SPINK8: variants seen among roughly 807,000 people sequenced by gnomAD.
SPINK8 encodes the protein serine peptidase inhibitor Kazal type 8 (putative), also known as serine protease inhibitor Kazal-type 8.
A neutral mutation model predicts 14.4 loss-of-function variants in SPINK8; 12 were observed. That is an observed-to-expected ratio of 0.83 (90% CI 0.53 to 1.35). The LOEUF (loss-of-function observed/expected upper bound fraction) is 1.35, where lower values mean the gene tolerates loss of function less well. SPINK8 is among the 40% of genes most tolerant of loss of function. The probability of loss-of-function intolerance (pLI) is 0.00; values close to 1 mark genes in which losing one functional copy is unlikely to be tolerated. For missense variants in SPINK8, 103 were observed against 117.0 expected (o/e 0.88, Z 0.55); for synonymous variants, 32 against 37.6 (o/e 0.85, Z 0.55).
chr3:48,313,038 T>C (rs2035943958), intron 6 of SPINK8, among the ~76,000 whole-genome samples: 1 of 150,826 alleles, frequency 6.6e-6, no homozygotes, highest in South Asian at 2.1e-4. Context: ...ACTAAACTCT[T>C]AGAAGAAAAA....
At chr3:48,330,010 T>C (rs2036229508) in intron 2 of SPINK8, among the ~76,000 whole-genome samples, 2 of 152,206 alleles carry the variant, frequency 1.3e-5, no homozygotes, top group African/African-American at 2.4e-5. Context: ...TCAGAAGTTA[T>C]TGGTTATCAT....
chr3:48,317,941 G>A (rs919148454), intron 6 of SPINK8, among the ~76,000 whole-genome samples: 1 of 151,880 alleles, frequency 6.6e-6, no homozygotes, highest in Non-Finnish European at 1.5e-5. Context: ...TCAGGGTCTC[G>A]CTATGTTGCT....
At chr3:48,321,349 G>A (rs2036072046) in intron 4 of SPINK8, among the ~76,000 whole-genome samples, 1 of 151,916 alleles carries the variant, frequency 6.6e-6, no homozygotes, top group Non-Finnish European at 1.5e-5. Flanking sequence ...TAGTAAACAT[G>A]CTCTAAGTTA....
intron 6 of SPINK8, among the ~76,000 whole-genome samples, chr3:48,316,073 C>G (rs1054745131): frequency 3.9e-5 from 6 of 152,050 alleles, no homozygotes; most frequent in African/African-American, 1.4e-4. Context: ...AGATAAAACT[C>G]AATTCAAATT....
In SPINK8 at chr3:48,322,375, G is replaced by A. The variant is rs530289597; in HGVS notation, c.68-1301C>T. The stretch of plus-strand genomic sequence containing the variant: ...TTTTTAGACAGAATCTTGGTCTGTC[G>A]CCTAAGCTGGAGTGCAGTGGCGCGA... On this transcript the variant is annotated intron_variant, in intron 4 of 7. Coordinates refer to ENST00000434006, the MANE Select transcript of SPINK8 (RefSeq NM_001080525.3). Among the ~76,000 whole-genome samples the A allele has an allele frequency of 2.9e-4, 44 of 150,272 alleles. No individual in the cohort carries two copies. The South Asian group carries it at 6.1e-3, about 21-fold the overall frequency.
At chr3:48,324,060 C>T (rs929674809) in intron 4 of SPINK8, among the ~76,000 whole-genome samples, 1 of 151,642 alleles carries the variant, frequency 6.6e-6, no homozygotes, top group African/African-American at 2.4e-5. Flanking sequence ...TGCATGGAAT[C>T]TGTAGATTGA....
chr3:48,319,403 G>A, intron 6 of SPINK8, 94 bp downstream of exon 6: 1 of 1,414,354 alleles, frequency 7.1e-7, no homozygotes. Flanking sequence ...AGGTCTCATT[G>A]GATGATGTAG....
At chr3:48,324,011 C>A (rs1452369652) in intron 4 of SPINK8, among the ~76,000 whole-genome samples, 1 of 151,300 alleles carries the variant, frequency 6.6e-6, no homozygotes, top group Admixed American at 6.6e-5. Context: ...TCAGCTTTTC[C>A]ATTTCTGCAA....
rs377262743 is a variant in SPINK8, at chr3:48,322,556, G to A, written c.68-1482C>T. Among the ~76,000 whole-genome samples the A allele has an allele frequency of 6.6e-5, 10 of 152,140 alleles. No individual in the cohort carries two copies. The East Asian group carries it at 9.7e-4, about 15-fold the overall frequency. The stretch of plus-strand genomic sequence containing the variant: ...TCACCGTGTTGTCCAGGCTGGTCTC[G>A]AACTCCTGACCTTAGGTGATATGCC... On this transcript the variant is annotated intron_variant, in intron 4 of 7. Coordinates refer to ENST00000434006, the MANE Select transcript of SPINK8 (RefSeq NM_001080525.3).
At position 48,333,441 on chromosome 3, in the gene SPINK8, A is replaced by G. The variant is rs564088729; in HGVS notation, c.-242+94T>C. Among the ~76,000 whole-genome samples, 4 of 152,314 alleles carry G rather than the reference A, an allele frequency of 2.6e-5. No homozygotes were observed. In the East Asian group the frequency reaches 7.7e-4, roughly 29 times the overall value. Reference sequence around the variant, plus strand: ...CCCTAGTCATTTTCTGATGAGCATTAGTCCTAGAGCGTCCTCTGTGGTCCT... The same window carrying G: ...CCCTAGTCATTTTCTGATGAGCATTGGTCCTAGAGCGTCCTCTGTGGTCCT... On this transcript the variant is annotated intron_variant, in intron 1 of 7. Transcript: ENST00000434006.
chr3:48,333,438 A>G (rs1290414302), intron 1 of SPINK8, among the ~76,000 whole-genome samples, 97 bp downstream of exon 1: 1 of 152,178 alleles, frequency 6.6e-6, no homozygotes, highest in Admixed American at 6.5e-5. Context: ...TCTGATGAGC[A>G]TTAGTCCTAG....
chr3:48,319,610 G>T lies in SPINK8; in HGVS notation c.126C>A (p.Cys42Ter), dbSNP rs765875447. 32 of 1,613,858 alleles carry T rather than the reference G, an allele frequency of 2.0e-5. No individual in the cohort carries two copies. The South Asian group carries it at 2.9e-4, about 14-fold the overall frequency. Residue 42 changes from cysteine to a stop codon, truncating the protein, a stop_gained, in exon 6 of 8, where the codon TGC becomes TGA. Transcript: ENST00000434006. LOFTEE classifies it high-confidence loss of function. ...ACCAGCACTTATTTACATTCTTGAG[G>T]CATTCAACCTGAAGGTGAGACACAC... is the stretch of plus-strand genomic sequence containing the variant. ...RGQLDKTIVE[C>*]LKNVNKCWFL...
In SPINK8 at chr3:48,312,538, G is replaced by T. The variant is rs374140424; in HGVS notation, c.240-2592C>A. Among the ~76,000 whole-genome samples, 100 of 152,260 alleles carry T rather than the reference G, an allele frequency of 6.6e-4. No homozygotes were observed. In the South Asian group the frequency reaches 0.02, roughly 31 times the overall value. On this transcript the variant is annotated intron_variant, in intron 6 of 7. Transcript: ENST00000434006. ...GGCACCTGTAATCCCAGCCACTGGG[G>T]ATGCTGAGGCAGGAGAATTGCTTGA... is the stretch of plus-strand genomic sequence containing the variant.
chr3:48,324,931 C>T (rs2036119358), intron 4 of SPINK8, among the ~76,000 whole-genome samples: 1 of 152,162 alleles, frequency 6.6e-6, no homozygotes, highest in South Asian at 2.1e-4. Flanking sequence ...CAATTTCTCC[C>T]TTCAATTCTG....
chr3:48,320,604 G>A (rs1028889684), intron 5 of SPINK8, among the ~76,000 whole-genome samples: 6 of 152,238 alleles, frequency 3.9e-5, no homozygotes, highest in African/African-American at 9.6e-5. Flanking sequence ...GATGGCAGGG[G>A]CTGAAACTTG....
intron 6 of SPINK8, among the ~76,000 whole-genome samples, chr3:48,316,965 C>A (rs999532086): frequency 6.6e-5 from 10 of 152,146 alleles, no homozygotes; most frequent in African/African-American, 2.4e-4. Context: ...ATGAAAGGAT[C>A]ATAAGCAGAA....
intron 6 of SPINK8, 111 bp downstream of exon 6, chr3:48,319,386 G>A: frequency 1.6e-6 from 2 of 1,257,216 alleles, no homozygotes; most frequent in Non-Finnish European, 2.2e-6. Context: ...AGGAATGTCT[G>A]GAGAGAAGGT....
rs546585536 is a variant in SPINK8, at chr3:48,315,258, A to ACAT, written c.239+4236_239+4238dup. On this transcript the variant is annotated intron_variant, in intron 6 of 7. Coordinates refer to ENST00000434006, the MANE Select transcript of SPINK8 (RefSeq NM_001080525.3). ...TGAGAATCTGATTTCCAGAGTTGCC[A>ACAT]CATTATATTATTCAAAATATTCAAT... Among the ~76,000 whole-genome samples the ACAT allele has an allele frequency of 3.5e-4, 54 of 152,370 alleles. No homozygotes were observed. In the East Asian group the frequency reaches 9.6e-3, roughly 27 times the overall value.
Position 48,307,453 on chromosome 3 carries a change from C to T in SPINK8, c.283-450G>A, listed in dbSNP as rs75006373. Among the ~76,000 whole-genome samples, 1,482 of 150,100 alleles carry T rather than the reference C, an allele frequency of 9.9e-3. 28 individuals are homozygous for T. The highest frequency in any genetic ancestry group is 0.034 in the African/African-American group (1,384 of 40,370). ...CCCTTCCTTCTTCCACTTCCTCTTC[C>T]TCCCTATCCCTCTTCTTTCTCCATT... On this transcript the variant is annotated intron_variant, in intron 7 of 7. Coordinates refer to ENST00000434006, the MANE Select transcript of SPINK8 (RefSeq NM_001080525.3).
Sources: gnomAD v4.1 joint callset for allele counts (sites outside exome capture counted in the v4.1 genomes callset) on GRCh38, gnomAD v4.1.1 for gene constraint, MANE v1.5 for transcripts, NCBI Gene and HGNC (gene_info 2026-07-23, HGNC 2026-07-21) for gene names.